P2RX5: variants seen among roughly 807,000 people sequenced by gnomAD.
P2RX5 encodes P2X purinoceptor 5.
A neutral mutation model predicts 54.1 loss-of-function variants in P2RX5; 46 were observed. The observed-to-expected ratio is 0.85, with a 90% CI of 0.67 to 1.09. The LOEUF is 1.09. P2RX5 is among the 50% of genes least tolerant of loss of function. The pLI is 0.00. For missense variants in P2RX5, 566 were observed against 549.8 expected (o/e 1.03, Z -0.29); for synonymous variants, 226 against 226.4 (o/e 1.00, Z 0.02).
At chr17:3,677,019 G>T (rs1053511984) in intron 11 of P2RX5, 1 of 893,862 alleles carries the variant, frequency 1.1e-6, no homozygotes, top group Non-Finnish European at 1.3e-6. Context: ...CCAAGATCAC[G>T]CCACTGCACT....
chr17:3,700,389 C>T (rs537834298), upstream of P2RX5, among the ~76,000 whole-genome samples: 9 of 152,160 alleles, frequency 5.9e-5, no homozygotes, highest in Admixed American at 5.2e-4. Context: ...AAAAATTAGC[C>T]GGGCCTGGTG....
At chr17:3,716,544 G>T in the P2RX5 span, 1 of 643,386 alleles carries the variant, frequency 1.6e-6, no homozygotes, top group East Asian at 2.5e-5. Context: ...TGTCTAAATG[G>T]GGGTGTGCAG....
the P2RX5 span, among the ~76,000 whole-genome samples, chr17:3,706,100 G>A: frequency 7.9e-5 from 12 of 152,042 alleles, no homozygotes; most frequent in Middle Eastern, 6.8e-3. Context: ...GACTACAGGC[G>A]CGCACCACCA....
At chr17:3,688,864 G>T in intron 7 of P2RX5, 105 bp from the exon 8 acceptor site, 2 of 1,337,574 alleles carry the variant, frequency 1.5e-6, no homozygotes, top group Non-Finnish European at 2.1e-6. Flanking sequence ...AGGTGCTCAG[G>T]CACGAGGTCA....
At chr17:3,677,653 T>C in intron 11 of P2RX5, 2 of 985,268 alleles carry the variant, frequency 2.0e-6, no homozygotes, top group Non-Finnish European at 2.4e-6. Context: ...CTGTTGGCTT[T>C]GGAGGAATTA....
At chr17:3,690,853 G>T in intron 3 of P2RX5, 103 bp downstream of exon 3, 1 of 1,198,740 alleles carries the variant, frequency 8.3e-7, no homozygotes, top group South Asian at 1.3e-5. Context: ...AGCCACCCGA[G>T]ACCCTTGGAG....
At position 3,690,428 on chromosome 17, in the gene P2RX5, C is replaced by G. The variant is rs2050579370; in HGVS notation, c.532G>C (p.Glu178Gln). 6.8e-6 allele frequency: 11 copies of G among 1,608,096 alleles called. No homozygotes were observed. The highest frequency in any genetic ancestry group is 9.3e-6 in the Non-Finnish European group (11 of 1,177,202). ...GGTCCTGAGGCTGCAGCCACTCACT[C>G]CGGCCTGGAGCTTGTCTCCAACGGG... ...WCPLETSSRPEEPFLKEAEDF... is the reference protein window; with the variant it reads ...WCPLETSSRPQEPFLKEAEDF... The change falls in exon 5 of 12, where the codon GAG becomes CAG. Residue 178 changes from glutamate (E) to glutamine (Q), a missense_variant and splice_region_variant. Glu to Gln is a conservative substitution (Grantham distance 29). Coordinates refer to ENST00000225328, the MANE Select transcript of P2RX5 (RefSeq NM_002561.4).
rs1440007788 is a variant in P2RX5 at position 3,690,165 on chromosome 17, A to C, written c.534-15T>G. ...GGAATGGCTCCCTGAAAACCAACCCAGAACAGCCTGTCCAGGAGGCCCCAC... is the reference window on the plus strand; with the variant it reads ...GGAATGGCTCCCTGAAAACCAACCCCGAACAGCCTGTCCAGGAGGCCCCAC... On this transcript the variant is annotated splice_polypyrimidine_tract_variant and intron_variant, in intron 5 of 11. Transcript: ENST00000225328. 2.5e-6 allele frequency: 4 copies of C among 1,612,554 alleles called. No individual in the cohort carries two copies. In the African/African-American group the frequency reaches 4.0e-5, roughly 16 times the overall value.
intron 11 of P2RX5, 131 bp downstream of exon 11, chr17:3,679,459 T>C (rs1483544567): frequency 1.3e-6 from 1 of 776,530 alleles, no homozygotes; most frequent in African/African-American, 1.7e-5. Flanking sequence ...AGTTCCTAGA[T>C]GTCCTGCCTT....
At chr17:3,699,973 A>G (rs1460984553), upstream of P2RX5, among the ~76,000 whole-genome samples, 4 of 139,658 alleles carry the variant, frequency 2.9e-5, no homozygotes, top group Non-Finnish European at 6.5e-5. Context: ...AAAGAAAGAA[A>G]GAAAATTAGT....
intron 6 of P2RX5, 61 bp from the exon 7 acceptor site, chr17:3,689,691 C>T: frequency 1.2e-6 from 2 of 1,609,636 alleles, no homozygotes; most frequent in Non-Finnish European, 1.7e-6. Context: ...CCGGCCTGGC[C>T]AGGAGTCACT....
the P2RX5 span, among the ~76,000 whole-genome samples, chr17:3,701,396 A>C: frequency 2.0e-4 from 30 of 152,174 alleles, no homozygotes; most frequent in Non-Finnish European, 4.1e-4. Context: ...TGAGAACTAT[A>C]AAATGAACTT....
At chr17:3,708,748 GATGA>G in the P2RX5 span, among the ~76,000 whole-genome samples, 1 of 152,050 alleles carries the variant, frequency 6.6e-6, no homozygotes, top group Non-Finnish European at 1.5e-5. Flanking sequence ...GTTAGCCCAA[GATGA>G]TACCCTTCCC....
chr17:3,679,870 C>G, intron 10 of P2RX5, 86 bp from the exon 11 acceptor site: 2 of 1,215,338 alleles, frequency 1.6e-6, no homozygotes, highest in Non-Finnish European at 2.4e-6. Context: ...TGAAGAATCC[C>G]TCGCCCTGCA....
Position 3,691,009 on chromosome 17 carries a change from C to CA in P2RX5, c.306dup (p.Val103CysfsTer18), listed in dbSNP as rs762589989. 34 of 1,612,344 alleles carry CA rather than the reference C, an allele frequency of 2.1e-5. No individual in the cohort carries two copies. Among genetic ancestry groups the CA allele is most frequent in the Admixed American group, 5.0e-5 (3 of 59,902 alleles). On this transcript the variant is annotated frameshift_variant, in exon 3 of 12. Transcript: ENST00000225328. LOFTEE classifies it high-confidence loss of function. ...GGGGTCACAATCAGGTTGGTGACCA[C>CA]AAAAAAGACGTTCTCTCCCTAAGGA...
chr17:3,723,438 T>C, the P2RX5 span: 251 of 1,302,288 alleles, frequency 1.9e-4, no homozygotes, highest in Non-Finnish European at 2.7e-4. Context: ...AAGTCTGAAA[T>C]CTTTTTAACA....
chr17:3,717,003 TA>T, the P2RX5 span: 1 of 495,596 alleles, frequency 2.0e-6, no homozygotes, highest in Non-Finnish European at 3.6e-6. Flanking sequence ...AAATACTTCG[TA>T]AGAAACTATT....
At chr17:3,683,459 G>A (rs546893919) in intron 9 of P2RX5, among the ~76,000 whole-genome samples, 1 of 152,376 alleles carries the variant, frequency 6.6e-6, no homozygotes, top group East Asian at 1.9e-4. Context: ...TGGGCTGGGC[G>A]CAGTGGCTCA....
At chr17:3,676,112 C>T (rs1479557118) in intron 11 of P2RX5, 4 of 985,346 alleles carry the variant, frequency 4.1e-6, no homozygotes, top group African/African-American at 1.7e-5. Context: ...TGAGTGAGGG[C>T]GGCGCTGGAG....
Sources: allele counts gnomAD v4.1 joint callset (sites outside exome capture counted in the v4.1 genomes callset), GRCh38; gene constraint gnomAD v4.1.1; transcripts MANE v1.5; gene names NCBI Gene and HGNC (gene_info 2026-07-23, HGNC 2026-07-21).